The following FSIP1 variants were observed in gnomAD, a reference collection of about 807,000 sequenced individuals.
FSIP1 encodes the protein fibrous sheath interacting protein 1, also known as fibrous sheath-interacting protein 1.
In FSIP1, 65 loss-of-function variants were observed where a neutral mutation model predicts 60.9. The observed-to-expected ratio is 1.07, with a 90% CI of 0.87 to 1.31. FSIP1 has a LOEUF of 1.31. Among genes scored for constraint, FSIP1 ranks in the 40% most tolerant of loss-of-function variants. The probability of loss-of-function intolerance (pLI) is 0.00; values close to 1 mark genes in which losing one functional copy is unlikely to be tolerated. For synonymous variants in FSIP1, 209 were observed against 221.2 expected (o/e 0.94, Z 0.49); for missense variants, 675 against 665.5 (o/e 1.01, Z -0.16).
At chr15:39,715,511 T>C (rs1476031041) in intron 9 of FSIP1, among the ~76,000 whole-genome samples, 1 of 152,160 alleles carries the variant, frequency 6.6e-6, no homozygotes, top group African/African-American at 2.4e-5. Context: ...TTCATCAAAC[T>C]AGCAATGAAT....
intron 10 of FSIP1, among the ~76,000 whole-genome samples, chr15:39,631,261 C>T (rs1157042722): frequency 6.6e-6 from 1 of 152,242 alleles, no homozygotes; most frequent in African/African-American, 2.4e-5. Flanking sequence ...CATGGCCCAT[C>T]CTAGGCCCAA....
chr15:39,692,669 T>C (rs1894649271), intron 10 of FSIP1, among the ~76,000 whole-genome samples: 1 of 152,126 alleles, frequency 6.6e-6, no homozygotes, highest in Non-Finnish European at 1.5e-5. Flanking sequence ...TGCTGAAATA[T>C]AATTAGTGCC....
intron 5 of FSIP1, among the ~76,000 whole-genome samples, chr15:39,753,593 T>C (rs1231960431): frequency 6.6e-6 from 1 of 152,066 alleles, no homozygotes; most frequent in Admixed American, 6.6e-5. Context: ...CCATTAATTT[T>C]AAAACATTAA....
chr15:39,599,295 A>C (rs1595518295), downstream of FSIP1: 2 of 152,240 alleles, frequency 1.3e-5, no homozygotes, highest in East Asian at 1.9e-4. Flanking sequence ...CCTTCAGTTG[A>C]CATGCTGTGA....
At chr15:39,598,156 C>T (rs1440646978), downstream of FSIP1, 9 of 152,202 alleles carry the variant, frequency 5.9e-5, no homozygotes, top group Non-Finnish European at 1.2e-4. Context: ...GGAATACTGA[C>T]CAGTTAATTT....
At chr15:39,662,774 A>G (rs1287429506) in intron 10 of FSIP1, among the ~76,000 whole-genome samples, 3 of 152,162 alleles carry the variant, frequency 2.0e-5, no homozygotes, top group Non-Finnish European at 4.4e-5. Context: ...AAGAAAGTCC[A>G]TTAATTTGGT....
rs8025444 is a variant in FSIP1, at chr15:39,654,143, C to T, written c.1189-35898G>A. 6.9e-3 allele frequency among the ~76,000 whole-genome samples: 1,048 copies of T among 152,196 alleles called. 13 individuals are homozygous for T. The highest frequency in any genetic ancestry group is 0.024 in the African/African-American group (984 of 41,500). On this transcript the variant is annotated intron_variant, in intron 10 of 11. Transcript: ENST00000350221. ...CTCCTGAAGGAACTGCTCGAGGTTGCTTTGCAGTTAATTTATTTTTTTAAT... is the reference window on the plus strand; with the variant it reads ...CTCCTGAAGGAACTGCTCGAGGTTGTTTTGCAGTTAATTTATTTTTTTAAT...
At chr15:39,721,651 A>G (rs1895986038) in intron 9 of FSIP1, among the ~76,000 whole-genome samples, 1 of 152,202 alleles carries the variant, frequency 6.6e-6, no homozygotes, top group Non-Finnish European at 1.5e-5. Flanking sequence ...CAAAGGCTGA[A>G]CAAGTAACAT....
At chr15:39,768,201 G>C (rs80203337) in intron 3 of FSIP1, among the ~76,000 whole-genome samples, 1 of 152,160 alleles carries the variant, frequency 6.6e-6, no homozygotes, top group African/African-American at 2.4e-5. Context: ...CTTCAAGGGC[G>C]ATAAGGGAAA....
intron 10 of FSIP1, among the ~76,000 whole-genome samples, chr15:39,693,264 C>A (rs932517269): frequency 6.6e-6 from 1 of 152,218 alleles, no homozygotes; most frequent in Non-Finnish European, 1.5e-5. Flanking sequence ...ACTTCCAATG[C>A]TCTCACTGGC....
At chr15:39,634,185 C>T (rs1415018068) in intron 10 of FSIP1, among the ~76,000 whole-genome samples, 1 of 152,172 alleles carries the variant, frequency 6.6e-6, no homozygotes, top group East Asian at 1.9e-4. Flanking sequence ...TGGATTTTTC[C>T]CATGAGTATA....
chr15:39,752,401 A>G (rs1229760644), intron 5 of FSIP1, among the ~76,000 whole-genome samples: 1 of 152,030 alleles, frequency 6.6e-6, no homozygotes, highest in Non-Finnish European at 1.5e-5. Context: ...GGATGGGGAA[A>G]TATGGTAACT....
At chr15:39,732,021 G>T (rs1052821420) in intron 8 of FSIP1, among the ~76,000 whole-genome samples, 2 of 152,180 alleles carry the variant, frequency 1.3e-5, no homozygotes, top group Non-Finnish European at 2.9e-5. Flanking sequence ...CCATGGACTG[G>T]GGGGAATGGG....
intron 8 of FSIP1, 87 bp from the exon 9 acceptor site, chr15:39,726,834 T>C (rs1413426496): frequency 2.3e-6 from 2 of 876,568 alleles, no homozygotes; most frequent in African/African-American, 1.8e-5. Flanking sequence ...AGTGCCCAGG[T>C]CTTCACATAC....
chr15:39,698,462 T>G (rs1894914683), intron 10 of FSIP1, among the ~76,000 whole-genome samples: 1 of 152,180 alleles, frequency 6.6e-6, no homozygotes, highest in Non-Finnish European at 1.5e-5. Context: ...TCTTCATCAG[T>G]GGCATTACTC....
intron 11 of FSIP1, among the ~76,000 whole-genome samples, chr15:39,615,606 GA>G (rs1891197114): frequency 6.6e-6 from 1 of 151,846 alleles, no homozygotes; most frequent in Non-Finnish European, 1.5e-5. Context: ...AGATGAAAGA[GA>G]CTGGGTGTGG....
intron 10 of FSIP1, among the ~76,000 whole-genome samples, chr15:39,662,167 C>A (rs1340898068): frequency 6.6e-6 from 1 of 151,912 alleles, no homozygotes; most frequent in Non-Finnish European, 1.5e-5. Context: ...GGGGAAAGGG[C>A]TGTGAGGAGG....
intron 5 of FSIP1, among the ~76,000 whole-genome samples, chr15:39,751,169 G>A (rs964242951): frequency 6.6e-6 from 1 of 151,818 alleles, no homozygotes; most frequent in Non-Finnish European, 1.5e-5. Flanking sequence ...TACTGTTTGA[G>A]GGAATACAGA....
chr15:39,604,226 C>T (rs1457391281), intron 11 of FSIP1, among the ~76,000 whole-genome samples: 1 of 152,194 alleles, frequency 6.6e-6, no homozygotes, highest in Non-Finnish European at 1.5e-5. Context: ...CCACAGTGCC[C>T]GGCTGAGACT....
Sources: gnomAD v4.1 joint callset for allele counts (sites outside exome capture counted in the v4.1 genomes callset) on GRCh38, gnomAD v4.1.1 for gene constraint, MANE v1.5 for transcripts, NCBI Gene and HGNC (gene_info 2026-07-23, HGNC 2026-07-21) for gene names.